Variants in ABCG1 observed in about 807,000 individuals in gnomAD.
ABCG1 encodes the protein ATP-binding cassette sub-family G member 1.
ABCG1 carries 29 observed loss-of-function variants against 69.2 expected under a neutral mutation model. That is an observed-to-expected ratio of 0.42 (90% confidence interval 0.31 to 0.57). ABCG1 has a LOEUF of 0.57. Among genes scored for constraint, ABCG1 ranks in the 20% least tolerant of loss-of-function variants. ABCG1 has a pLI of 0.15. For missense variants in ABCG1, 718 were observed against 898.1 expected (o/e 0.80, Z 2.56); for synonymous variants, 370 against 374.8 (o/e 0.99, Z 0.15).
chr21:42,224,480 A>G (rs990419630), intron 1 of ABCG1, among the ~76,000 whole-genome samples: 3 of 152,194 alleles, frequency 2.0e-5, no homozygotes, highest in Admixed American at 2.0e-4. Context: ...AATGCGGGGA[A>G]CCCACTTACG....
rs115023875 is a variant in ABCG1 at position 42,261,793 on chromosome 21, G to A, written c.287-9277G>A. Among the ~76,000 whole-genome samples, 984 of 152,304 alleles carry A rather than the reference G, an allele frequency of 6.5e-3. 14 individuals are homozygous for A. Among genetic ancestry groups the A allele is most frequent in the African/African-American group, 0.023 (950 of 41,556 alleles). ...GTTTATCCACATTTATGTTTATGGC[G>A]TACTTAACTCACGGAGAGGTCAGAA... is the stretch of plus-strand genomic sequence containing the variant. On this transcript the variant is annotated intron_variant, in intron 2 of 14. Transcript: ENST00000398449.
intron 2 of ABCG1, among the ~76,000 whole-genome samples, chr21:42,226,510 T>A (rs1729705040): frequency 6.6e-6 from 1 of 152,228 alleles, no homozygotes; most frequent in Non-Finnish European, 1.5e-5. Context: ...TGCAGGAGTT[T>A]GCCACTAGCT....
At chr21:42,286,423 T>C (rs1469261778) in intron 8 of ABCG1, among the ~76,000 whole-genome samples, 1 of 152,220 alleles carries the variant, frequency 6.6e-6, no homozygotes. Flanking sequence ...CTTTAAAATA[T>C]TTGATTCATG....
intron 1 of ABCG1, among the ~76,000 whole-genome samples, chr21:42,201,406 A>T (rs75322034): frequency 1.3e-5 from 2 of 152,138 alleles, no homozygotes; most frequent in East Asian, 3.9e-4. Context: ...AGCTCAAGCC[A>T]TAAAGCTCCC....
intron 2 of ABCG1, among the ~76,000 whole-genome samples, chr21:42,239,630 G>A (rs1390842828): frequency 6.6e-6 from 1 of 152,202 alleles, no homozygotes; most frequent in Non-Finnish European, 1.5e-5. Context: ...GGGTCACAGG[G>A]CTGTAAGTAG....
intron 5 of ABCG1, among the ~76,000 whole-genome samples, chr21:42,279,730 G>A (rs1296405229): frequency 2.6e-5 from 4 of 152,240 alleles, no homozygotes; most frequent in Admixed American, 2.0e-4. Context: ...TGGGCTGGGC[G>A]CACAGTGAGT....
chr21:42,245,569 A>C (rs955001392), intron 2 of ABCG1, among the ~76,000 whole-genome samples: 7 of 152,222 alleles, frequency 4.6e-5, no homozygotes, highest in Non-Finnish European at 8.8e-5. Flanking sequence ...AGGAAGAAGA[A>C]GGACAGAGGA....
At chr21:42,206,371 TAAATAAATAAATAAACAAACAAAC>T (rs1477700452) in intron 2 of ABCG1, among the ~76,000 whole-genome samples, 143 of 145,602 alleles carry the variant, frequency 9.8e-4, no homozygotes, top group African/African-American at 3.7e-3. Flanking sequence ...AATAAATAAA[TAAATAAATAAATAAACAAACAAAC>T]AAACAAACAC....
rs377226245 is a variant in ABCG1, at chr21:42,284,560, C to T, written c.735C>T (p.Ser245=). Residue 245 remains serine, a splice_region_variant and synonymous_variant, in exon 7 of 15, where the codon AGC becomes AGT. Coordinates refer to ENST00000398449, the MANE Select transcript of ABCG1 (RefSeq NM_016818.3). The part of the protein sequence containing the change: ...PPVMFFDEPT[S]GLDSASCFQV... ...TCTCACGGTGCCTCTTGACTTGCAGCGGCCTGGACAGCGCCTCCTGCTTCC... is the reference window on the plus strand; with the variant it reads ...TCTCACGGTGCCTCTTGACTTGCAGTGGCCTGGACAGCGCCTCCTGCTTCC... 1.0e-4 allele frequency: 163 copies of T among 1,612,664 alleles called. No homozygotes were observed. Among genetic ancestry groups the T allele is most frequent in the Non-Finnish European group, 1.3e-4 (153 of 1,179,948 alleles).
Position 42,219,855 on chromosome 21 carries a change from C to G in ABCG1, c.42+551C>G, listed in dbSNP as rs2067693030. 3 of 1,524,384 alleles carry G rather than the reference C, an allele frequency of 2.0e-6. No homozygotes were observed. In the South Asian group the frequency reaches 3.7e-5, roughly 19 times the overall value. 94.4% of individuals were successfully genotyped at this position (1,524,384 alleles called of 1,614,324 possible). A position where few individuals can be genotyped will look rare whatever the true frequency, so the allele number is the denominator to read the frequency against. Reference sequence around the variant, plus strand: ...CTGCACTCCCGGGGACACCCTCTCCCGGACCCACTCGGGGAGGCGGCGGCG... The same window carrying G: ...CTGCACTCCCGGGGACACCCTCTCCGGGACCCACTCGGGGAGGCGGCGGCG... On this transcript the variant is annotated intron_variant, in intron 1 of 14. Coordinates refer to ENST00000398449, the MANE Select transcript of ABCG1 (RefSeq NM_016818.3). This position sits in a 1 kb window ranked among gnomAD's most constrained non-coding sequence, Gnocchi z 5.3.
chr21:42,293,822 A>G (rs2146356231), intron 13 of ABCG1, among the ~76,000 whole-genome samples: 1 of 144,028 alleles, frequency 6.9e-6, no homozygotes, highest in Admixed American at 6.9e-5. Context: ...CACACACACC[A>G]CTCACTGCGC....
intron 14 of ABCG1, among the ~76,000 whole-genome samples, 192 bp from the exon 15 acceptor site, chr21:42,295,972 T>C (rs1486792232): frequency 1.3e-5 from 2 of 152,138 alleles, no homozygotes; most frequent in South Asian, 2.1e-4. Flanking sequence ...AAGAAAAACA[T>C]AGTGGAGCTG....
intron 2 of ABCG1, among the ~76,000 whole-genome samples, chr21:42,261,042 C>T (rs1351287245): frequency 2.0e-5 from 3 of 152,072 alleles, no homozygotes; most frequent in Admixed American, 6.5e-5. Context: ...AGGATGGTCT[C>T]GATCTCCTGA....
intron 13 of ABCG1, among the ~76,000 whole-genome samples, chr21:42,292,910 A>G (rs2069099012): frequency 7.1e-6 from 1 of 140,852 alleles, no homozygotes; most frequent in Admixed American, 7.1e-5. Flanking sequence ...ACTACACACT[A>G]CACACCACAC....
chr21:42,291,647 G>A lies in ABCG1; in HGVS notation c.1644G>A (p.Thr548=), dbSNP rs372146956. 2.8e-5 allele frequency: 45 copies of A among 1,601,552 alleles called. No individual in the cohort carries two copies. Among genetic ancestry groups the A allele is most frequent in the Middle Eastern group, 1.6e-4 (1 of 6,072 alleles). The change falls in exon 13 of 15, where the codon ACG becomes ACA. Residue 548 remains threonine (T), a synonymous_variant. Coordinates refer to ENST00000398449, the MANE Select transcript of ABCG1 (RefSeq NM_016818.3). This position sits in a 1 kb window ranked among gnomAD's most constrained non-coding sequence, Gnocchi z 6.4. ...GCCTGCTGATCGGAGCCGCCTCCAC[G>A]TCCCTGCAGGTGCCAGCCCAGGAGG... ...SLGLLIGAAS[T]SLQVATFVGP... is the part of the protein sequence containing the mutation.
chr21:42,229,623 A>G (rs1368418481), intron 2 of ABCG1, among the ~76,000 whole-genome samples: 3 of 152,114 alleles, frequency 2.0e-5, no homozygotes, highest in Non-Finnish European at 2.9e-5. Flanking sequence ...GGGAGGCTGA[A>G]GCAGGAGAAT....
chr21:42,233,509 C>T (rs1386056528), intron 2 of ABCG1, among the ~76,000 whole-genome samples: 1 of 152,232 alleles, frequency 6.6e-6, no homozygotes, highest in Non-Finnish European at 1.5e-5. Flanking sequence ...TGTTGAGCTG[C>T]AATCTGTATT....
chr21:42,250,733 C>A (rs1264403533), intron 2 of ABCG1, among the ~76,000 whole-genome samples: 1 of 152,248 alleles, frequency 6.6e-6, no homozygotes, highest in Non-Finnish European at 1.5e-5. Flanking sequence ...TCCTGAGTCT[C>A]ATTTTCACTG....
chr21:42,216,812 C>G (rs1169631283), upstream of ABCG1, among the ~76,000 whole-genome samples: 1 of 152,226 alleles, frequency 6.6e-6, no homozygotes, highest in East Asian at 1.9e-4. Flanking sequence ...CTGTTGGCTT[C>G]TTTCCCGATC....
Sources: allele counts gnomAD v4.1 joint callset (sites outside exome capture counted in the v4.1 genomes callset), GRCh38; gene constraint gnomAD v4.1.1; non-coding constraint Gnocchi (gnomAD v3.1); transcripts MANE v1.5; gene names NCBI Gene and HGNC (gene_info 2026-07-23, HGNC 2026-07-21).